Variants in LPIN1 observed in about 807,000 individuals in gnomAD.
LPIN1 encodes the protein lipin 1.
Under a neutral mutation model 107.5 loss-of-function variants are expected in LPIN1, and 71 were observed. The observed-to-expected ratio is 0.66, with a 90% CI of 0.55 to 0.80. The LOEUF is 0.80. Among genes scored for constraint, LPIN1 ranks in the 30% least tolerant of loss-of-function variants. LPIN1 has a pLI of 0.00. For missense variants in LPIN1, 1,043 were observed against 1,160.6 expected, an observed-to-expected ratio of 0.90 and a Z score of 1.47; for synonymous variants, 445 against 452.6, an observed-to-expected ratio of 0.98 and a Z score of 0.21.
At position 11,826,218 on chromosome 2, in the gene LPIN1, G is replaced by A. The variant is rs1054367267; in HGVS notation, c.*1427G>A. On this transcript the variant is annotated 3_prime_UTR_variant, in exon 21 of 21. Coordinates refer to ENST00000674199, the MANE Select transcript of LPIN1 (RefSeq NM_001349206.2). ...TTAGAATCACAGGAGGCAAAAAATG[G>A]AACGGTTGAATGAAATTTTACTCTT... is the stretch of plus-strand genomic sequence containing the variant. The A allele has an allele frequency of 3.3e-5, 5 of 152,542 alleles. No individual in the cohort carries two copies. Among genetic ancestry groups the A allele is most frequent in the Non-Finnish European group, 7.4e-5 (5 of 68,022 alleles). The allele number at this position is 152,542 out of a possible 1,614,324, so 9.4% of individuals were successfully genotyped here. A position where few individuals can be genotyped will look rare whatever the true frequency, so the allele number is the denominator to read the frequency against.
intron 3 of LPIN1, among the ~76,000 whole-genome samples, chr2:11,769,157 A>C (rs1422703776): frequency 6.6e-6 from 1 of 152,240 alleles, no homozygotes; most frequent in Non-Finnish European, 1.5e-5. Flanking sequence ...CTGTGTTACA[A>C]AGCAGCTGTT....
chr2:11,788,043 T>C (rs1674968307), intron 11 of LPIN1, among the ~76,000 whole-genome samples: 1 of 152,154 alleles, frequency 6.6e-6, no homozygotes, highest in Admixed American at 6.5e-5. Flanking sequence ...AAGCCATGGA[T>C]GTTTTACACC....
chr2:11,738,369 C>G (rs11676369), intron 1 of LPIN1, among the ~76,000 whole-genome samples: 88,988 of 148,740 alleles, frequency 0.6, 27,657 homozygotes, highest in African/African-American at 0.76. Flanking sequence ...ATGTATCCCA[C>G]AACTTAAGGT....
chr2:11,798,260 C>T (rs1677071796), intron 14 of LPIN1, among the ~76,000 whole-genome samples: 1 of 152,152 alleles, frequency 6.6e-6, no homozygotes, highest in African/African-American at 2.4e-5. Context: ...CGGACTAATA[C>T]AGCCAGTCTT....
At chr2:11,685,178 C>A (rs1661938750) in intron 1 of LPIN1, among the ~76,000 whole-genome samples, 1 of 152,128 alleles carries the variant, frequency 6.6e-6, no homozygotes, top group Admixed American at 6.5e-5. Flanking sequence ...TGAGCGGAGG[C>A]CTCAGGAGGT....
chr2:11,737,949 C>T (rs1237785577), intron 1 of LPIN1, among the ~76,000 whole-genome samples: 1 of 152,156 alleles, frequency 6.6e-6, no homozygotes, highest in Non-Finnish European at 1.5e-5. Context: ...ATGTTTATTG[C>T]AGCACTATTT....
intron 17 of LPIN1, among the ~76,000 whole-genome samples, chr2:11,814,134 C>T (rs148429303): frequency 4.6e-5 from 7 of 152,132 alleles, no homozygotes; most frequent in East Asian, 1.9e-4. Context: ...TGGGAGCAGG[C>T]GAGCTGCTGT....
chr2:11,690,850 A>G (rs1662233034), intron 1 of LPIN1, among the ~76,000 whole-genome samples: 1 of 151,438 alleles, frequency 6.6e-6, no homozygotes, highest in Admixed American at 6.6e-5. Flanking sequence ...TTTCTGTTTC[A>G]TAATTTCTCT....
rs369684215 is a variant in LPIN1, at chr2:11,804,476, G to T, written c.2067G>T (p.Thr689=). ...ACGACGTGGTTTTCAGTGTCACCAC[G>T]CAGTACCAAGGCACGTGCCGCTGTG... ...GPNDVVFSVT[T]QYQGTCRCEG... The change falls in exon 16 of 21, where the codon ACG becomes ACT. Residue 689 remains threonine (T), a synonymous_variant. Transcript: ENST00000674199. 169 of 1,614,080 alleles carry T rather than the reference G, an allele frequency of 1.0e-4. 3 individuals carry two copies. The African/African-American group carries it at 1.2e-3, about 11-fold the overall frequency.
chr2:11,761,495 C>T (rs1022852827), intron 1 of LPIN1, among the ~76,000 whole-genome samples: 1 of 152,142 alleles, frequency 6.6e-6, no homozygotes, highest in Non-Finnish European at 1.5e-5. Context: ...GGCTTGTTTC[C>T]TCGGTTGAGA....
At chr2:11,700,487 C>G (rs546730632) in intron 1 of LPIN1, among the ~76,000 whole-genome samples, 1 of 152,130 alleles carries the variant, frequency 6.6e-6, no homozygotes, top group African/African-American at 2.4e-5. Context: ...CTCTCTCTCT[C>G]GCTCTCATTC....
At chr2:11,735,240 C>T (rs1381184877) in intron 1 of LPIN1, among the ~76,000 whole-genome samples, 1 of 149,756 alleles carries the variant, frequency 6.7e-6, no homozygotes, top group Non-Finnish European at 1.5e-5. Flanking sequence ...TGCAGTGAGT[C>T]GAGATTGTGC....
chr2:11,727,077 T>A (rs756240025), intron 1 of LPIN1, among the ~76,000 whole-genome samples: 32 of 152,256 alleles, frequency 2.1e-4, no homozygotes, highest in Non-Finnish European at 4.4e-4. Flanking sequence ...GTAATTTCCC[T>A]TTTAATCGCT....
chr2:11,783,695 T>C (rs1313861120), intron 8 of LPIN1, 134 bp from the exon 9 acceptor site: 2 of 785,268 alleles, frequency 2.5e-6, no homozygotes, highest in Non-Finnish European at 2.3e-6. Context: ...CTTGGAACTG[T>C]TGTGGTTCTT....
intron 1 of LPIN1, among the ~76,000 whole-genome samples, chr2:11,738,319 G>A (rs1665994955): frequency 6.6e-6 from 1 of 151,560 alleles, no homozygotes; most frequent in South Asian, 2.1e-4. Context: ...AATCACCATG[G>A]CATGTGTATA....
chr2:11,811,353 G>A (rs1362893573), intron 17 of LPIN1, among the ~76,000 whole-genome samples: 1 of 152,212 alleles, frequency 6.6e-6, no homozygotes, highest in East Asian at 1.9e-4. Context: ...TGCTGCCTGA[G>A]CATTTGGTGG....
At chr2:11,793,644 TA>T (rs1676169002) in intron 13 of LPIN1, among the ~76,000 whole-genome samples, 1 of 152,178 alleles carries the variant, frequency 6.6e-6, no homozygotes, top group Non-Finnish European at 1.5e-5. Flanking sequence ...TTTCATTACT[TA>T]GTATTCTGTG....
exon 1 of LPIN1, chr2:11,677,680 C>A (rs1283458013): frequency 6.5e-7 from 1 of 1,535,754 alleles, no homozygotes; most frequent in Non-Finnish European, 8.7e-7. Context: ...GCAGCTCCAG[C>A]TGGGAGACCT....
exon 1 of LPIN1, chr2:11,724,374 G>A: frequency 2.0e-6 from 2 of 986,314 alleles, no homozygotes; most frequent in Non-Finnish European, 2.4e-6. Flanking sequence ...AGGGAGAGAG[G>A]ATGGGAGGCG....
Sources: gnomAD v4.1 joint callset for allele counts (sites outside exome capture counted in the v4.1 genomes callset) on GRCh38, gnomAD v4.1.1 for gene constraint, MANE v1.5 for transcripts, NCBI Gene and HGNC (gene_info 2026-07-23, HGNC 2026-07-21) for gene names.